The following BICC1 variants were observed in gnomAD, a reference collection of about 807,000 sequenced individuals.
BICC1 encodes the protein protein bicaudal C homolog 1.
In BICC1, 43 loss-of-function variants were observed where a neutral mutation model predicts 111.0. That is an observed-to-expected ratio of 0.39 (90% CI 0.30 to 0.50). The LOEUF is 0.50. Ranked by LOEUF, BICC1 falls within the 20% of genes least tolerant of loss-of-function variation. The pLI is 0.88. For synonymous variants in BICC1, 467 were observed against 434.4 expected (o/e 1.07, Z -0.93); for missense variants, 1,091 against 1,203.2 (o/e 0.91, Z 1.38).
At chr10:58,723,137 CT>C (rs1840992273) in intron 3 of BICC1, among the ~76,000 whole-genome samples, 1 of 152,204 alleles carries the variant, frequency 6.6e-6, no homozygotes, top group South Asian at 2.1e-4. Context: ...AAATGCTTAG[CT>C]TTTAGCAGAT....
chr10:58,688,797 C>G (rs1839828155), intron 2 of BICC1, among the ~76,000 whole-genome samples: 1 of 152,078 alleles, frequency 6.6e-6, no homozygotes, highest in Non-Finnish European at 1.5e-5. Context: ...CCAACCACCA[C>G]ACATTCTCAC....
intron 2 of BICC1, among the ~76,000 whole-genome samples, chr10:58,690,841 T>C (rs1001563935): frequency 6.6e-6 from 1 of 152,078 alleles, no homozygotes; most frequent in Non-Finnish European, 1.5e-5. Context: ...AAAGCATGTG[T>C]GAATCTACAG....
At chr10:58,692,619 G>GT (rs1839943450) in intron 2 of BICC1, among the ~76,000 whole-genome samples, 1 of 152,126 alleles carries the variant, frequency 6.6e-6, no homozygotes, top group Admixed American at 6.6e-5. Context: ...TTATTTCTTT[G>GT]TAAAAACTTG....
chr10:58,829,553 T>C lies in BICC1; in HGVS notation c.*662T>C, dbSNP rs1025266094. 12 of 152,240 alleles carry C rather than the reference T, an allele frequency of 7.9e-5. No individual in the cohort carries two copies. Among genetic ancestry groups the C allele is most frequent in the African/African-American group, 2.6e-4 (11 of 41,562 alleles). 9.4% of individuals were successfully genotyped at this position (152,240 alleles called of 1,614,324 possible). A position where few individuals can be genotyped will look rare whatever the true frequency, so the allele number is the denominator to read the frequency against. On this transcript the variant is annotated 3_prime_UTR_variant, in exon 21 of 21. Coordinates refer to ENST00000373886, the MANE Select transcript of BICC1 (RefSeq NM_001080512.3). ...TTTCTGTGCAGAATATTCTGTGATTTTGGGAAATGTAAGTGAGTCCACTTG... is the reference window on the plus strand; with the variant it reads ...TTTCTGTGCAGAATATTCTGTGATTCTGGGAAATGTAAGTGAGTCCACTTG...
At chr10:58,621,956 G>GAACAGAAC (rs1322190352) in intron 2 of BICC1, among the ~76,000 whole-genome samples, 1,503 of 50,558 alleles carry the variant, frequency 0.03, 444 homozygotes, top group Non-Finnish European at 0.044. Context: ...GAATAGAATA[G>GAACAGAAC]AATAGAATAG....
At chr10:58,668,545 A>G (rs1177719461) in intron 2 of BICC1, among the ~76,000 whole-genome samples, 1 of 152,092 alleles carries the variant, frequency 6.6e-6, no homozygotes, top group Non-Finnish European at 1.5e-5. Flanking sequence ...TTTAAAGAAC[A>G]CACATTGCAA....
At chr10:58,613,894 C>T (rs1012821184) in intron 1 of BICC1, among the ~76,000 whole-genome samples, 5 of 152,092 alleles carry the variant, frequency 3.3e-5, no homozygotes, top group African/African-American at 1.2e-4. Context: ...AGCATCGAAC[C>T]TAAGTCCTAA....
intron 1 of BICC1, among the ~76,000 whole-genome samples, chr10:58,527,569 G>A (rs889633716): frequency 1.3e-5 from 2 of 152,178 alleles, no homozygotes; most frequent in African/African-American, 2.4e-5. Flanking sequence ...TAACATTTAA[G>A]TCTTTAATCC....
chr10:58,812,535 G>A (rs867115342), intron 17 of BICC1, among the ~76,000 whole-genome samples: 9 of 150,500 alleles, frequency 6.0e-5, no homozygotes, highest in Non-Finnish European at 3.0e-5. Context: ...CTGAAGTGCA[G>A]TGGCATGATC....
chr10:58,686,843 T>C (rs533956156), intron 2 of BICC1, among the ~76,000 whole-genome samples: 2 of 152,350 alleles, frequency 1.3e-5, no homozygotes, highest in South Asian at 2.1e-4. Flanking sequence ...AAGTTTGTTA[T>C]TACCAATCGT....
At chr10:58,521,195 A>T (rs1032385335) in intron 1 of BICC1, among the ~76,000 whole-genome samples, 2 of 152,066 alleles carry the variant, frequency 1.3e-5, no homozygotes, top group African/African-American at 4.8e-5. Context: ...TTTCTACTCA[A>T]ACTGCCCGGG....
intron 2 of BICC1, among the ~76,000 whole-genome samples, chr10:58,625,354 ATT>A (rs1845956377): frequency 6.6e-6 from 1 of 152,178 alleles, no homozygotes; most frequent in African/African-American, 2.4e-5. Context: ...AGGGTCAGTG[ATT>A]GTATTACACA....
intron 2 of BICC1, among the ~76,000 whole-genome samples, chr10:58,642,702 A>G (rs999595363): frequency 1.7e-3 from 16 of 9,276 alleles, no homozygotes; most frequent in African/African-American, 4.7e-3. Context: ...TATTATTATT[A>G]TTATTATTAT....
chr10:58,805,751 G>A (rs1843691558), intron 15 of BICC1, among the ~76,000 whole-genome samples: 1 of 152,172 alleles, frequency 6.6e-6, no homozygotes, highest in African/African-American at 2.4e-5. Context: ...AAGAGCTCTT[G>A]CCAATTGGCC....
chr10:58,530,708 CAGAA>C (rs1236323121), intron 1 of BICC1, among the ~76,000 whole-genome samples: 20 of 140,720 alleles, frequency 1.4e-4, no homozygotes, highest in Admixed American at 1.2e-3. Flanking sequence ...AAAAGAAAAT[CAGAA>C]AGGGAGAGGC....
chr10:58,646,136 C>T (rs567695421), intron 2 of BICC1, among the ~76,000 whole-genome samples: 4 of 148,524 alleles, frequency 2.7e-5, no homozygotes, highest in Non-Finnish European at 6.0e-5. Context: ...TTTGTTCATT[C>T]GTTTTTGTTT....
intron 1 of BICC1, among the ~76,000 whole-genome samples, chr10:58,520,891 C>A (rs565204605): frequency 6.6e-6 from 1 of 152,044 alleles, no homozygotes; most frequent in South Asian, 2.1e-4. Flanking sequence ...TTTATTTTTG[C>A]CATGCATTTT....
At chr10:58,591,632 A>G (rs1844621972) in intron 1 of BICC1, among the ~76,000 whole-genome samples, 1 of 152,198 alleles carries the variant, frequency 6.6e-6, no homozygotes, top group Admixed American at 6.5e-5. Context: ...ATTTTGGGAG[A>G]TACAGGCATT....
chr10:58,603,339 A>G (rs1350505870), intron 1 of BICC1, among the ~76,000 whole-genome samples: 1 of 152,216 alleles, frequency 6.6e-6, no homozygotes, highest in Non-Finnish European at 1.5e-5. Context: ...TGATTTCACC[A>G]TGTGATTCCA....
Sources: allele counts gnomAD v4.1 joint callset (sites outside exome capture counted in the v4.1 genomes callset), GRCh38; gene constraint gnomAD v4.1.1; transcripts MANE v1.5; gene names NCBI Gene and HGNC (gene_info 2026-07-23, HGNC 2026-07-21).